TACC3: variants seen among roughly 807,000 people sequenced by gnomAD.
TACC3 encodes the protein transforming acidic coiled-coil-containing protein 3.
A neutral mutation model predicts 86.0 loss-of-function variants in TACC3; 52 were observed. The ratio of observed to expected loss-of-function variants is 0.60; its 90% CI spans 0.48 to 0.76. The LOEUF (loss-of-function observed/expected upper bound fraction) is 0.76, where lower values mean the gene tolerates loss of function less well. Among genes scored for constraint, TACC3 ranks in the 30% least tolerant of loss-of-function variants. The pLI is 0.00. For missense variants in TACC3, 1,120 were observed against 1,070.4 expected (o/e 1.05, Z -0.65); for synonymous variants, 512 against 430.0 (o/e 1.19, Z -2.36).
At position 1,739,708 on chromosome 4, in the gene TACC3, G is replaced by A. The variant is rs376754410; in HGVS notation, c.1948G>A (p.Ala650Thr). The change falls in exon 11 of 16, where the codon GCG (alanine) becomes ACG (threonine). Residue 650 changes from alanine (A) to threonine (T), a missense_variant. Transcript: ENST00000313288. ...TTGGGTGTGGCCTGAGCAGGTAAAG[G>A]CGACACAGGAGGAGAACCGGGAGCT... ...SQKDLDAVVK[A>T]TQEENRELRS... 1 of 1,579,420 alleles carries A rather than the reference G, an allele frequency of 6.3e-7. No individual in the cohort carries two copies. The highest frequency in any genetic ancestry group is 8.6e-7 in the Non-Finnish European group (1 of 1,164,016).
Position 1,740,810 on chromosome 4 carries a change from CT to C in TACC3, c.2063-12del, listed in dbSNP as rs886296031. On this transcript the variant is annotated splice_polypyrimidine_tract_variant and intron_variant, in intron 12 of 15. Transcript: ENST00000313288. ...GTTGCCTCCTCATCCTGAACGTTTG[CT>C]TTTCTTTTCTCAAGAGGAAGTTCAG... 1 of 1,601,376 alleles carries C rather than the reference CT, an allele frequency of 6.2e-7. No individual in the cohort carries two copies. The highest frequency in any genetic ancestry group is 1.8e-5 in the Admixed American group (1 of 56,888).
intron 10 of TACC3, 81 bp from the exon 11 acceptor site, chr4:1,739,614 CGGGTGCG>C: frequency 8.0e-7 from 1 of 1,255,592 alleles, no homozygotes; most frequent in Non-Finnish European, 1.1e-6. Context: ...CCAGGGACCT[CGGGTGCG>C]GGCTGGCCCC....
intron 12 of TACC3, chr4:1,740,335 A>G (rs1474077186): frequency 4.3e-6 from 2 of 467,190 alleles, no homozygotes; most frequent in African/African-American, 1.9e-5. Context: ...GGCTATGTCT[A>G]GCAGCAGCCT....
intron 4 of TACC3, 179 bp from the exon 5 acceptor site, chr4:1,730,708 G>C: frequency 1.3e-6 from 1 of 765,090 alleles, no homozygotes; most frequent in Non-Finnish European, 2.3e-6. Flanking sequence ...GGTGAGGTTG[G>C]TGAGGCAGTT....
Position 1,728,818 on chromosome 4 carries a change from C to T in TACC3, c.1385+31C>T, listed in dbSNP as rs116599452. ...TGTGAGGATGGGATGGGGAGCGTGG[C>T]GTGGGGCAGCTGCCCTGCAGTGTAT... On this transcript the variant is annotated intron_variant, in intron 4 of 15. Transcript: ENST00000313288. 1.1e-3 allele frequency: 1,657 copies of T among 1,564,546 alleles called. 18 individuals carry two copies. In the African/African-American group the frequency reaches 0.019, roughly 18 times the overall value.
In TACC3 at chr4:1,737,288, A is replaced by G; in HGVS notation, c.1796A>G (p.Lys599Arg). 1.9e-6 allele frequency: 3 copies of G among 1,614,140 alleles called. No homozygotes were observed. Among genetic ancestry groups the G allele is most frequent in the Non-Finnish European group, 2.5e-6 (3 of 1,180,010 alleles). ...ETPSGRPREA[K>R]LVEFDFLGAL... ...CCCTCAGGACGTCCGCGGGAAGCCA[A>G]GCTTGTGGAGTTCGATTTCTTGGGA... The change falls in exon 9 of 16, where the codon AAG (lysine) becomes AGG (arginine). Residue 599 changes from lysine to arginine, a missense_variant. By Grantham distance (26) the Lys-to-Arg change is conservative (BLOSUM62 2). Coordinates refer to ENST00000313288, the MANE Select transcript of TACC3 (RefSeq NM_006342.3).
At chr4:1,739,351 T>C (rs1042464705) in intron 10 of TACC3, 6 of 305,524 alleles carry the variant, frequency 2.0e-5, no homozygotes, top group African/African-American at 1.3e-4. Context: ...TTACTGATTC[T>C]TTGAAGACAA....
At chr4:1,738,593 T>A (rs1718406999) in intron 10 of TACC3, among the ~76,000 whole-genome samples, 1 of 152,236 alleles carries the variant, frequency 6.6e-6, no homozygotes, top group African/African-American at 2.4e-5. Flanking sequence ...GAACATTAAT[T>A]TTCTCAGCAA....
chr4:1,739,847 G>A lies in TACC3; in HGVS notation c.2018+69G>A, dbSNP rs1218769253. On this transcript the variant is annotated intron_variant, in intron 11 of 15. Coordinates refer to ENST00000313288, the MANE Select transcript of TACC3 (RefSeq NM_006342.3). ...CGCCATCCTTGTCCCCATCCCCCTC[G>A]CCATCCTTGTCCCCATCCCCCTCGC... is the stretch of plus-strand genomic sequence containing the variant. The A allele has an allele frequency of 1.0e-4, 137 of 1,363,462 alleles. 2 individuals carry two copies. Among genetic ancestry groups the A allele is most frequent in the Non-Finnish European group, 1.3e-4 (129 of 1,025,962 alleles). 84.5% of individuals were successfully genotyped at this position (1,363,462 alleles called of 1,614,324 possible).
intron 10 of TACC3, chr4:1,738,295 C>G: frequency 4.4e-6 from 1 of 225,998 alleles, no homozygotes; most frequent in Non-Finnish European, 9.1e-6. Context: ...TTCCGGAGGC[C>G]GGCTGGCAGG....
At chr4:1,732,888 G>A (rs1177509918) in intron 6 of TACC3, among the ~76,000 whole-genome samples, 1 of 152,184 alleles carries the variant, frequency 6.6e-6, no homozygotes, top group African/African-American at 2.4e-5. Flanking sequence ...CAGGAGTAGT[G>A]CTGCCTCGAA....
rs757567505 is a variant in TACC3 at position 1,728,571 on chromosome 4, C to T, written c.1169C>T (p.Ala390Val). ...EVEEDDGRSG[A>V]GEDPPMPASR... ...GAGGAGGACGACGGTAGGAGCGGAG[C>T]AGGAGAGGACCCCCCCATGCCAGCT... Residue 390 changes from alanine to valine, a missense_variant, in exon 4 of 16, where the codon GCA (alanine) becomes GTA (valine). Ala to Val is a moderately conservative substitution (Grantham distance 64). Transcript: ENST00000313288. The T allele has an allele frequency of 6.2e-6, 10 of 1,613,790 alleles. No individual in the cohort carries two copies. The highest frequency in any genetic ancestry group is 2.2e-5 in the East Asian group (1 of 44,892).
intron 1 of TACC3, chr4:1,723,098 T>C: frequency 3.6e-6 from 1 of 278,098 alleles, no homozygotes; most frequent in South Asian, 5.1e-5. Context: ...CTTGATATAG[T>C]AATACAGCAG....
chr4:1,730,993 C>T (rs770276786), intron 5 of TACC3, 31 bp downstream of exon 5: 6 of 1,612,534 alleles, frequency 3.7e-6, no homozygotes, highest in Non-Finnish European at 5.1e-6. Flanking sequence ...TACCTGTGCT[C>T]CTGGCCTGGT....
chr4:1,741,188 G>A (rs1265321386), intron 13 of TACC3: 1 of 491,008 alleles, frequency 2.0e-6, no homozygotes, highest in Non-Finnish European at 3.6e-6. Context: ...AGGGCGGCAG[G>A]AGGCAGAGTG....
In TACC3 at chr4:1,728,657, G is replaced by A. The variant is rs1239586281; in HGVS notation, c.1255G>A (p.Gly419Arg). 7 of 1,613,728 alleles carry A rather than the reference G, an allele frequency of 4.3e-6. No individual in the cohort carries two copies. The highest frequency in any genetic ancestry group is 2.7e-5 in the African/African-American group (2 of 74,922). ...GGATGACCCAAACTTCATCCCGTTCGGAGGTGACACCAAGTCTGGTTGCAG... is the reference window on the plus strand; with the variant it reads ...GGATGACCCAAACTTCATCCCGTTCAGAGGTGACACCAAGTCTGGTTGCAG... ...KMDDPNFIPF[G>R]GDTKSGCSEA... Residue 419 changes from glycine to arginine, a missense_variant, in exon 4 of 16, where the codon GGA (glycine) becomes AGA (arginine). Gly to Arg is a moderately radical substitution (Grantham distance 125, BLOSUM62 -2). Coordinates refer to ENST00000313288, the MANE Select transcript of TACC3 (RefSeq NM_006342.3).
intron 6 of TACC3, among the ~76,000 whole-genome samples, chr4:1,734,550 C>G (rs1718161400): frequency 6.6e-6 from 1 of 152,188 alleles, no homozygotes; most frequent in Non-Finnish European, 1.5e-5. Context: ...GTCAGGAGTT[C>G]AAGACCAGCC....
upstream of TACC3, chr4:1,721,104 G>T: frequency 3.8e-6 from 1 of 263,578 alleles, no homozygotes; most frequent in Non-Finnish European, 7.0e-6. Context: ...GAGTCCCGCC[G>T]CTCGGCCGCT....
chr4:1,742,744 A>G (rs1422799492), intron 13 of TACC3, among the ~76,000 whole-genome samples: 2 of 151,790 alleles, frequency 1.3e-5, no homozygotes. Context: ...GGTTGCAGTG[A>G]GCCAAGATCG....
Sources: gnomAD v4.1 joint callset for allele counts (sites outside exome capture counted in the v4.1 genomes callset) on GRCh38, gnomAD v4.1.1 for gene constraint, MANE v1.5 for transcripts, NCBI Gene and HGNC (gene_info 2026-07-23, HGNC 2026-07-21) for gene names.